The following XPR1 variants were observed in gnomAD, a reference collection of about 807,000 sequenced individuals.
XPR1 encodes xenotropic and polytropic retrovirus receptor 1, also known as solute carrier family 53 member 1.
XPR1 carries 28 observed loss-of-function variants against 87.5 expected under a neutral mutation model. The ratio of observed to expected loss-of-function variants is 0.32; its 90% CI spans 0.24 to 0.44. The LOEUF is 0.44. Ranked by LOEUF, XPR1 falls within the 20% of genes least tolerant of loss-of-function variation. The pLI is 1.00. For missense variants in XPR1, 559 were observed against 862.3 expected (o/e 0.65, Z 4.41); for synonymous variants, 300 against 306.1 (o/e 0.98, Z 0.21).
chr1:180,792,769 C>CT (rs71703635), intron 3 of XPR1, among the ~76,000 whole-genome samples: 5 of 150,890 alleles, frequency 3.3e-5, no homozygotes, highest in African/African-American at 4.9e-5. Context: ...CGTTAGAAAC[C>CT]TTTTTTTTTG....
Position 180,886,510 on chromosome 1 carries a change from C to T in XPR1, c.*2444C>T, listed in dbSNP as rs1459098182. 1 of 152,164 alleles carries T rather than the reference C, an allele frequency of 6.6e-6. No individual in the cohort carries two copies. The highest frequency in any genetic ancestry group is 1.9e-4 in the East Asian group (1 of 5,198). The allele number at this position is 152,164 out of a possible 1,614,324, so 9.4% of individuals were successfully genotyped here. On this transcript the variant is annotated 3_prime_UTR_variant, in exon 15 of 15. Coordinates refer to ENST00000367590, the MANE Select transcript of XPR1 (RefSeq NM_004736.4). ...TCTTCAACTGTTACAGTTCTAGGCCCTAATCGGTCTTATTCTTTCACATAT... is the reference window on the plus strand; with the variant it reads ...TCTTCAACTGTTACAGTTCTAGGCCTTAATCGGTCTTATTCTTTCACATAT...
chr1:180,693,645 TGA>T (rs1037299928), intron 2 of XPR1, among the ~76,000 whole-genome samples: 3 of 152,180 alleles, frequency 2.0e-5, no homozygotes, highest in African/African-American at 7.2e-5. Context: ...TCTGGAATTC[TGA>T]GAGAGTATCT....
At chr1:180,837,254 A>G (rs924102740) in intron 11 of XPR1, among the ~76,000 whole-genome samples, 1 of 152,194 alleles carries the variant, frequency 6.6e-6, no homozygotes, top group Non-Finnish European at 1.5e-5. Flanking sequence ...TCTGAGCCAC[A>G]TGCAGCCACT....
At chr1:180,735,983 A>G (rs1483256366) in intron 2 of XPR1, among the ~76,000 whole-genome samples, 1 of 152,176 alleles carries the variant, frequency 6.6e-6, no homozygotes, top group Non-Finnish European at 1.5e-5. Context: ...GATATGGGAT[A>G]TGGCAATGAA....
chr1:180,661,978 C>CT (rs1182424129), intron 1 of XPR1, among the ~76,000 whole-genome samples: 2 of 152,200 alleles, frequency 1.3e-5, no homozygotes, highest in Non-Finnish European at 2.9e-5. Flanking sequence ...AAACTCTACA[C>CT]TTTAACTTTG....
At position 180,681,600 on chromosome 1, in the gene XPR1, C is replaced by T. The variant is rs1016159329; in HGVS notation, c.70-760C>T. On this transcript the variant is annotated intron_variant, in intron 1 of 14. Coordinates refer to ENST00000367590, the MANE Select transcript of XPR1 (RefSeq NM_004736.4). ...GGCAGAGCTTGCAGTGAGCTGAGAT[C>T]GTGCCACTGCACTCCAGCCTGGGCG... Among the ~76,000 whole-genome samples, 9 of 152,052 alleles carry T rather than the reference C, an allele frequency of 5.9e-5. No homozygotes were observed. The East Asian group carries it at 7.7e-4, about 13-fold the overall frequency.
chr1:180,801,192 T>C (rs1449501339), intron 3 of XPR1, among the ~76,000 whole-genome samples: 1 of 152,234 alleles, frequency 6.6e-6, no homozygotes, highest in Non-Finnish European at 1.5e-5. Context: ...CCCATCTCAA[T>C]AGATACATCT....
chr1:180,763,267 G>A (rs1648123442), intron 2 of XPR1, among the ~76,000 whole-genome samples: 1 of 152,208 alleles, frequency 6.6e-6, no homozygotes, highest in Non-Finnish European at 1.5e-5. Flanking sequence ...CATGAAGGAT[G>A]CTGTGTATGC....
At chr1:180,720,471 T>C (rs1477710573) in intron 2 of XPR1, among the ~76,000 whole-genome samples, 2 of 152,196 alleles carry the variant, frequency 1.3e-5, no homozygotes, top group East Asian at 1.9e-4. Flanking sequence ...TTGAAAATCA[T>C]TGATGTAAAG....
Position 180,806,218 on chromosome 1 carries a change from T to C in XPR1, c.597+7T>C, listed in dbSNP as rs1649985583. 1.2e-6 allele frequency: 2 copies of C among 1,609,992 alleles called. No individual in the cohort carries two copies. Among genetic ancestry groups the C allele is most frequent in the African/African-American group, 1.3e-5 (1 of 74,828 alleles). ...GCTTATCTCTGAAACTGAGGTACAA[T>C]AATCTCGTTTATTTACAACGTATTT... On this transcript the variant is annotated splice_region_variant and intron_variant, in intron 5 of 14. Transcript: ENST00000367590.
chr1:180,682,763 T>A (rs1198869444), intron 2 of XPR1, among the ~76,000 whole-genome samples: 1 of 151,844 alleles, frequency 6.6e-6, no homozygotes, highest in Non-Finnish European at 1.5e-5. Context: ...TCCTTTCTAT[T>A]TATGTCATGC....
intron 2 of XPR1, among the ~76,000 whole-genome samples, chr1:180,764,042 G>T (rs893434491): frequency 2.0e-4 from 31 of 152,106 alleles, no homozygotes; most frequent in African/African-American, 6.8e-4. Context: ...AATTTTTCCT[G>T]ATAAGTACTT....
rs1310697086 is a variant in XPR1, at chr1:180,886,463, A to G, written c.*2397A>G. 2.0e-5 allele frequency: 3 copies of G among 152,246 alleles called. No individual in the cohort carries two copies. The highest frequency in any genetic ancestry group is 4.4e-5 in the Non-Finnish European group (3 of 68,042). The allele number at this position is 152,246 out of a possible 1,614,324, so 9.4% of individuals were successfully genotyped here. Reference sequence around the variant, plus strand: ...TTCCCCAGTGTTTTTACATTAATGTATCCTATGGCCAGTTTAGTCTTTCTT... The same window carrying G: ...TTCCCCAGTGTTTTTACATTAATGTGTCCTATGGCCAGTTTAGTCTTTCTT... On this transcript the variant is annotated 3_prime_UTR_variant, in exon 15 of 15. Coordinates refer to ENST00000367590, the MANE Select transcript of XPR1 (RefSeq NM_004736.4).
intron 2 of XPR1, among the ~76,000 whole-genome samples, chr1:180,722,923 C>T (rs1383725424): frequency 2.0e-5 from 3 of 152,070 alleles, no homozygotes; most frequent in Admixed American, 2.0e-4. Context: ...ATTAAAAGAG[C>T]AAAATAATTA....
chr1:180,703,405 C>T (rs1050920469), intron 2 of XPR1, among the ~76,000 whole-genome samples: 4 of 152,092 alleles, frequency 2.6e-5, no homozygotes, highest in Non-Finnish European at 2.9e-5. Flanking sequence ...ATAACGCATG[C>T]GGGTGCCAGC....
At chr1:180,696,208 G>GTGTATATATATA (rs1241189679) in intron 2 of XPR1, among the ~76,000 whole-genome samples, 5 of 88,592 alleles carry the variant, frequency 5.6e-5, no homozygotes, top group Admixed American at 1.4e-4. Flanking sequence ...GTGTGTGTGT[G>GTGTATATATATA]TATATATATA....
intron 2 of XPR1, among the ~76,000 whole-genome samples, chr1:180,740,013 A>AT (rs1056414139): frequency 2.0e-5 from 3 of 151,956 alleles, no homozygotes; most frequent in African/African-American, 2.4e-5. Context: ...TGCCCGACCA[A>AT]TTTTTTTTAA....
intron 11 of XPR1, 68 bp from the exon 12 acceptor site, chr1:180,863,640 G>A (rs1032231081): frequency 6.4e-5 from 89 of 1,401,176 alleles, no homozygotes; most frequent in Non-Finnish European, 8.3e-5. Context: ...TTTAATTAGT[G>A]TTATTAATGA....
chr1:180,699,012 T>A (rs1047624651), intron 2 of XPR1, among the ~76,000 whole-genome samples: 8 of 152,158 alleles, frequency 5.3e-5, no homozygotes, highest in African/African-American at 1.9e-4. Flanking sequence ...TTGAATCTGT[T>A]TGGGAATTAT....
Sources: gnomAD v4.1 joint callset for allele counts (sites outside exome capture counted in the v4.1 genomes callset) on GRCh38, gnomAD v4.1.1 for gene constraint, MANE v1.5 for transcripts, NCBI Gene and HGNC (gene_info 2026-07-23, HGNC 2026-07-21) for gene names.